DCLRE1C: variants seen among roughly 807,000 people sequenced by gnomAD.
DCLRE1C encodes the protein protein artemis.
DCLRE1C carries 47 observed loss-of-function variants against 61.4 expected under a neutral mutation model. The ratio of observed to expected loss-of-function variants is 0.77; its 90% CI spans 0.61 to 0.98. The LOEUF (loss-of-function observed/expected upper bound fraction) is 0.98. Among genes scored for constraint, DCLRE1C ranks in the 50% least tolerant of loss-of-function variants. The pLI is 0.00. For missense variants in DCLRE1C, 858 were observed against 816.0 expected (o/e 1.05, Z -0.63); for synonymous variants, 337 against 287.6 (o/e 1.17, Z -1.74).
intron 11 of DCLRE1C, among the ~76,000 whole-genome samples, chr10:14,924,164 G>A (rs867188804): frequency 2.0e-5 from 3 of 152,212 alleles, no homozygotes; most frequent in South Asian, 2.1e-4. Flanking sequence ...GTGTGCTCAC[G>A]CTAACGGGAG....
At chr10:14,946,525 C>T (rs1403176069) in intron 2 of DCLRE1C, among the ~76,000 whole-genome samples, 2 of 152,084 alleles carry the variant, frequency 1.3e-5, no homozygotes, top group Non-Finnish European at 2.9e-5. Flanking sequence ...CCATAGAATG[C>T]GGTGGAAGTA....
intron 12 of DCLRE1C, among the ~76,000 whole-genome samples, chr10:14,921,260 T>C (rs1402639760): frequency 2.1e-5 from 3 of 143,700 alleles, no homozygotes; most frequent in African/African-American, 7.8e-5. Flanking sequence ...GGGGAGCTTG[T>C]AGTGAGCCGA....
In DCLRE1C at chr10:14,899,251, T is replaced by TA; in HGVS notation, c.1217dup (p.Leu406PhefsTer16). On this transcript the variant is annotated frameshift_variant, in exon 14 of 14. Transcript: ENST00000378289. LOFTEE classifies it high-confidence loss of function. ...AGGAAGATCGCTTGATCCCAGGAGT[T>TA]AAAGGATACAGGGAGTCATGATGGC... 1.4e-6 allele frequency: 1 copy of TA among 702,116 alleles called. No homozygotes were observed. Among genetic ancestry groups the TA allele is most frequent in the Non-Finnish European group, 2.6e-6 (1 of 384,840 alleles). The allele number at this position is 702,116 out of a possible 1,614,324, so 43.5% of individuals were successfully genotyped here.
chr10:14,948,551 A>C (rs1346835491), intron 2 of DCLRE1C, among the ~76,000 whole-genome samples: 1 of 152,142 alleles, frequency 6.6e-6, no homozygotes, highest in African/African-American at 2.4e-5. Context: ...ACACAAATAC[A>C]AAGTTAAGTA....
intron 13 of DCLRE1C, among the ~76,000 whole-genome samples, chr10:14,916,719 T>C (rs575280321): frequency 1.3e-5 from 2 of 152,198 alleles, no homozygotes; most frequent in African/African-American, 2.4e-5. Context: ...CACAGACTTA[T>C]ACGCTGGAAA....
At chr10:14,937,772 T>A (rs913014977) in intron 4 of DCLRE1C, among the ~76,000 whole-genome samples, 1 of 151,018 alleles carries the variant, frequency 6.6e-6, no homozygotes, top group African/African-American at 2.4e-5. Flanking sequence ...GCAGCACCTG[T>A]AATCCCAGCT....
intron 1 of DCLRE1C, among the ~76,000 whole-genome samples, chr10:14,952,358 G>A (rs1479777702): frequency 6.6e-6 from 1 of 152,114 alleles, no homozygotes; most frequent in Non-Finnish European, 1.5e-5. Flanking sequence ...AGGCTGAGGT[G>A]GGTGGATCTA....
chr10:14,915,163 T>C (rs905541647), intron 13 of DCLRE1C, among the ~76,000 whole-genome samples: 11 of 152,276 alleles, frequency 7.2e-5, no homozygotes, highest in Non-Finnish European at 1.2e-4. Flanking sequence ...GGGAAAATTA[T>C]AGCACTAAAT....
In DCLRE1C at chr10:14,909,154, G is replaced by A. The variant is rs774273800; in HGVS notation, c.1333C>T (p.Arg445Cys). The A allele has an allele frequency of 8.1e-6, 13 of 1,614,142 alleles. No individual in the cohort carries two copies. Among genetic ancestry groups the A allele is most frequent in the African/African-American group, 1.3e-5 (1 of 75,022 alleles). ...CCRAECMQSS[R>C]FTNFVDCEES... ...TCACAATCTACAAAGTTTGTGAAAC[G>A]AGAGCTCTGCATACACTCTGCTCTG... The change falls in exon 14 of 14, where the codon CGT (arginine) becomes TGT (cysteine). Residue 445 changes from arginine (R) to cysteine (C), a missense_variant. Coordinates refer to ENST00000378278, the MANE Select transcript of DCLRE1C (RefSeq NM_001033855.3).
intron 13 of DCLRE1C, among the ~76,000 whole-genome samples, chr10:14,916,754 T>G (rs138614053): frequency 6.5e-4 from 99 of 152,300 alleles, no homozygotes; most frequent in African/African-American, 2.3e-3. Flanking sequence ...TGAGAGAAAT[T>G]AGAGCAGACT....
At chr10:14,913,144 CTG>C (rs1228166961) in intron 13 of DCLRE1C, among the ~76,000 whole-genome samples, 1 of 152,294 alleles carries the variant, frequency 6.6e-6, no homozygotes, top group Non-Finnish European at 1.5e-5. Context: ...GCGCGAGCCA[CTG>C]TGCCTGGCCA....
intron 13 of DCLRE1C, among the ~76,000 whole-genome samples, chr10:14,913,849 G>T (rs1189379083): frequency 6.6e-6 from 1 of 151,982 alleles, no homozygotes; most frequent in Non-Finnish European, 1.5e-5. Context: ...CTCTTGGGGG[G>T]GTCCTGGAAC....
At chr10:14,916,585 C>T (rs747660823) in intron 13 of DCLRE1C, among the ~76,000 whole-genome samples, 1 of 152,186 alleles carries the variant, frequency 6.6e-6, no homozygotes, top group Admixed American at 6.5e-5. Flanking sequence ...TGCTCCCAAG[C>T]ATTTTGAATA....
At chr10:14,951,779 C>A (rs1290613651) in intron 1 of DCLRE1C, among the ~76,000 whole-genome samples, 1 of 152,162 alleles carries the variant, frequency 6.6e-6, no homozygotes, top group Non-Finnish European at 1.5e-5. Context: ...CAGAGTAGGA[C>A]ACCACGGTAG....
downstream of DCLRE1C, chr10:14,902,877 C>G (rs1834117549): frequency 6.4e-6 from 1 of 155,876 alleles, no homozygotes; most frequent in African/African-American, 2.4e-5. Context: ...ATTCAACTTG[C>G]CATACACCTC....
downstream of DCLRE1C, chr10:14,901,177 C>G (rs61730323): frequency 0.036 from 57,429 of 1,613,818 alleles, 1,230 homozygotes; most frequent in Admixed American, 0.082. Context: ...TTGATAACCT[C>G]GATACTCGTC....
intron 8 of DCLRE1C, among the ~76,000 whole-genome samples, chr10:14,933,947 G>A (rs1415597077): frequency 6.6e-6 from 1 of 152,164 alleles, no homozygotes. Flanking sequence ...TCTTGTTAGG[G>A]TGCTTCCATC....
Position 14,909,231 on chromosome 10 carries a change from G to A in DCLRE1C, c.1256C>T (p.Thr419Ile). The A allele has an allele frequency of 6.2e-7, 1 of 1,613,940 alleles. No individual in the cohort carries two copies. Among genetic ancestry groups the A allele is most frequent in the Non-Finnish European group, 8.5e-7 (1 of 1,179,958 alleles). The stretch of plus-strand genomic sequence containing the variant: ...TTCAGGCTGCTTTTCTGATACTGCA[G>A]TCATTGAAAATACCTCAGGGTGAAA... ...ETFHPEVFSM[T>I]AVSEKQPEKL... The change falls in exon 14 of 14, where the codon ACT becomes ATT. Residue 419 changes from threonine to isoleucine, a missense_variant. Physicochemically the swap from Thr to Ile is moderately conservative, Grantham distance 89 (BLOSUM62 -1). Coordinates refer to ENST00000378278, the MANE Select transcript of DCLRE1C (RefSeq NM_001033855.3).
chr10:14,926,057 T>C (rs900994006), intron 11 of DCLRE1C, among the ~76,000 whole-genome samples: 17 of 152,186 alleles, frequency 1.1e-4, no homozygotes, highest in African/African-American at 4.1e-4. Flanking sequence ...TTTGCTATGA[T>C]TGTAAATTCC....
Sources: gnomAD v4.1 joint callset for allele counts (sites outside exome capture counted in the v4.1 genomes callset) on GRCh38, gnomAD v4.1.1 for gene constraint, MANE v1.5 for transcripts, NCBI Gene and HGNC (gene_info 2026-07-23, HGNC 2026-07-21) for gene names.